Variants in PXDNL observed in about 807,000 individuals in gnomAD.
PXDNL encodes the protein peroxidasin like.
Under a neutral mutation model 150.8 loss-of-function variants are expected in PXDNL, and 145 were observed. That is an observed-to-expected ratio of 0.96 (90% CI 0.84 to 1.10). The LOEUF (loss-of-function observed/expected upper bound fraction) is 1.10. PXDNL is among the 50% of genes least tolerant of loss of function. PXDNL has a pLI of 0.00. For missense variants in PXDNL, 2,087 were observed against 1,873.9 expected (o/e 1.11, Z -2.10); for synonymous variants, 757 against 725.7 (o/e 1.04, Z -0.69).
intron 1 of PXDNL, among the ~76,000 whole-genome samples, chr8:51,799,144 A>G (rs1218382864): frequency 1.3e-5 from 2 of 152,180 alleles, no homozygotes; most frequent in African/African-American, 4.8e-5. Flanking sequence ...GGAACAGAAC[A>G]CCATACACCA....
chr8:51,608,058 C>CAAGA (rs1563481786), intron 2 of PXDNL, among the ~76,000 whole-genome samples: 23 of 76,458 alleles, frequency 3.0e-4, no homozygotes, highest in East Asian at 1.9e-3. Context: ...AGAAAGAAAG[C>CAAGA]AAGCAAGCAA....
At chr8:51,719,314 T>C (rs1816680345) in intron 1 of PXDNL, among the ~76,000 whole-genome samples, 1 of 152,220 alleles carries the variant, frequency 6.6e-6, no homozygotes, top group African/African-American at 2.4e-5. Flanking sequence ...TCTTCTGCCT[T>C]GGGATGCTGT....
intron 2 of PXDNL, among the ~76,000 whole-genome samples, chr8:51,644,998 G>C (rs942350291): frequency 1.3e-5 from 2 of 151,352 alleles, no homozygotes; most frequent in African/African-American, 4.9e-5. Context: ...CACAGGAATT[G>C]CCTCACATGG....
chr8:51,677,225 C>T (rs902812077), intron 1 of PXDNL, among the ~76,000 whole-genome samples: 5 of 152,196 alleles, frequency 3.3e-5, no homozygotes, highest in African/African-American at 9.7e-5. Context: ...CATCACCCTG[C>T]ATACCTCTTG....
intron 1 of PXDNL, among the ~76,000 whole-genome samples, chr8:51,757,532 A>G (rs142427040): frequency 6.7e-4 from 102 of 152,330 alleles, no homozygotes; most frequent in South Asian, 1.9e-3. Context: ...TTTGCTTAGT[A>G]AAAAATATAA....
At chr8:51,506,083 T>C (rs887152535) in intron 4 of PXDNL, among the ~76,000 whole-genome samples, 1 of 152,236 alleles carries the variant, frequency 6.6e-6, no homozygotes. Context: ...AGAGAAAAGC[T>C]TTCCAGCATC....
intron 21 of PXDNL, among the ~76,000 whole-genome samples, chr8:51,335,687 A>T (rs1805815305): frequency 6.9e-6 from 1 of 145,756 alleles, no homozygotes; most frequent in Admixed American, 6.8e-5. Flanking sequence ...TACCCTACAC[A>T]CACACACACA....
At chr8:51,770,522 C>G (rs1422492414) in intron 1 of PXDNL, among the ~76,000 whole-genome samples, 1 of 152,184 alleles carries the variant, frequency 6.6e-6, no homozygotes, top group African/African-American at 2.4e-5. Context: ...CTTTTCTCCC[C>G]ATTGGTCCAT....
At chr8:51,578,132 AAGAG>A (rs200066400) in intron 3 of PXDNL, among the ~76,000 whole-genome samples, 2,189 of 133,302 alleles carry the variant, frequency 0.016, 170 homozygotes, top group African/African-American at 0.072. Context: ...GAAAGAAAGA[AAGAG>A]TGAGAGAGAG....
At chr8:51,628,399 C>CTTTTTT (rs71550276) in intron 2 of PXDNL, among the ~76,000 whole-genome samples, 705 of 69,792 alleles carry the variant, frequency 0.01, 13 homozygotes, top group African/African-American at 0.022. Context: ...CTTTTCTTTT[C>CTTTTTT]TTTTTTTTTT....
At chr8:51,491,161 C>T (rs187972896) in intron 5 of PXDNL, among the ~76,000 whole-genome samples, 57 of 152,302 alleles carry the variant, frequency 3.7e-4, no homozygotes, top group Admixed American at 3.4e-3. Flanking sequence ...TTCTTCAAGT[C>T]TGGGACTTAG....
intron 1 of PXDNL, among the ~76,000 whole-genome samples, chr8:51,744,917 GGAAAGAAAGAAAAAGAAA>G: frequency 9.2e-6 from 1 of 108,144 alleles, no homozygotes; most frequent in African/African-American, 4.1e-5. Flanking sequence ...AAGGAAGGAA[GGAAAGAAAGAAAAAGAAA>G]GAAAGAAAGA....
At chr8:51,505,346 ATCG>A (rs1811263175) in intron 4 of PXDNL, among the ~76,000 whole-genome samples, 1 of 134,710 alleles carries the variant, frequency 7.4e-6, no homozygotes. Context: ...TATCGCTGGT[ATCG>A]CTTTAGCTTT....
chr8:51,445,274 C>G (rs189414385), intron 12 of PXDNL, among the ~76,000 whole-genome samples: 1 of 152,280 alleles, frequency 6.6e-6, no homozygotes, highest in East Asian at 1.9e-4. Context: ...TTCAATAGTT[C>G]TATAGTCTGA....
intron 1 of PXDNL, among the ~76,000 whole-genome samples, chr8:51,756,697 A>G (rs1324540571): frequency 6.6e-6 from 1 of 152,140 alleles, no homozygotes; most frequent in East Asian, 1.9e-4. Context: ...TTAGAAAAAA[A>G]CTTTAAAAAT....
intron 1 of PXDNL, among the ~76,000 whole-genome samples, chr8:51,679,068 C>T (rs1288824742): frequency 6.6e-6 from 1 of 152,116 alleles, no homozygotes; most frequent in Admixed American, 6.5e-5. Flanking sequence ...CAAATAGTCC[C>T]AAGAAATCAG....
At chr8:51,581,089 G>A (rs1044660039) in intron 3 of PXDNL, among the ~76,000 whole-genome samples, 2 of 152,010 alleles carry the variant, frequency 1.3e-5, no homozygotes, top group Non-Finnish European at 2.9e-5. Context: ...TGAAATCAAA[G>A]AAAAATCAGG....
At chr8:51,366,277 C>A (rs980899152) in intron 19 of PXDNL, among the ~76,000 whole-genome samples, 1 of 152,172 alleles carries the variant, frequency 6.6e-6, no homozygotes, top group Non-Finnish European at 1.5e-5. Context: ...ATCAGTTGGC[C>A]AATCAAAGGC....
chr8:51,717,903 AG>A (rs996199594), intron 1 of PXDNL, among the ~76,000 whole-genome samples: 3 of 152,316 alleles, frequency 2.0e-5, no homozygotes, highest in East Asian at 1.9e-4. Context: ...GCTAATTATA[AG>A]GGGGGTTTCC....
Sources: gnomAD v4.1 joint callset for allele counts (sites outside exome capture counted in the v4.1 genomes callset) on GRCh38, gnomAD v4.1.1 for gene constraint, MANE v1.5 for transcripts, NCBI Gene and HGNC (gene_info 2026-07-23, HGNC 2026-07-21) for gene names.